HEATR5A: variants seen among roughly 807,000 people sequenced by gnomAD.
HEATR5A encodes the protein HEAT repeat containing 5A, also known as HEAT repeat-containing protein 5A.
HEATR5A carries 178 observed loss-of-function variants against 218.8 expected under a neutral mutation model. The observed-to-expected ratio is 0.81, with a 90% confidence interval of 0.72 to 0.92. The LOEUF is 0.92. HEATR5A is among the 40% of genes least tolerant of loss of function. The probability of loss-of-function intolerance (pLI) is 0.00; values close to 1 mark genes in which losing one functional copy is unlikely to be tolerated. For synonymous variants in HEATR5A, 864 were observed against 871.6 expected, an observed-to-expected ratio of 0.99 and a Z score of 0.15; for missense variants, 2,420 against 2,418.9, an observed-to-expected ratio of 1.00 and a Z score of -0.01.
chr14:31,394,328 A>G, intron 5 of HEATR5A, 102 bp from the exon 6 acceptor site: 1 of 578,546 alleles, frequency 1.7e-6, no homozygotes. Flanking sequence ...CAAATAATAT[A>G]CAAATTCAAA....
At position 31,392,398 on chromosome 14, in the gene HEATR5A, T is replaced by C. The variant is rs115970017; in HGVS notation, c.772+1654A>G. Among the ~76,000 whole-genome samples, 698 of 152,270 alleles carry C rather than the reference T, an allele frequency of 4.6e-3. 2 individuals are homozygous for C. The highest frequency in any genetic ancestry group is 0.016 in the African/African-American group (661 of 41,560). On this transcript the variant is annotated intron_variant, in intron 6 of 35. Coordinates refer to ENST00000543095, the MANE Select transcript of HEATR5A (RefSeq NM_015473.4). ...TGCCTTCTCACTGGAAATTTCTGTT[T>C]TGTCTTCTTCAATGGTTTCTTGTGT...
chr14:31,324,220 C>A lies in HEATR5A; in HGVS notation c.3548-416G>T, dbSNP rs187403869. 2.0e-3 allele frequency among the ~76,000 whole-genome samples: 296 copies of A among 151,168 alleles called. 2 individuals are homozygous for A. Among genetic ancestry groups the A allele is most frequent in the African/African-American group, 6.7e-3 (272 of 40,786 alleles). On this transcript the variant is annotated intron_variant, in intron 23 of 35. Coordinates refer to ENST00000543095, the MANE Select transcript of HEATR5A (RefSeq NM_015473.4). ...TGGGAAGGCTGTTTTAACACTGGAGCCTTGCATGGATTTCAGGAGGTTCCT... is the reference window on the plus strand; with the variant it reads ...TGGGAAGGCTGTTTTAACACTGGAGACTTGCATGGATTTCAGGAGGTTCCT...
chr14:31,336,209 CATACATACATATATATATAT>C (rs1471230384), intron 22 of HEATR5A, among the ~76,000 whole-genome samples: 1,608 of 57,516 alleles, frequency 0.028, 49 homozygotes, highest in African/African-American at 0.08. Flanking sequence ...TTTATATATA[CATACATACATATATATATAT>C]ATATATATAT....
At chr14:31,355,217 C>A (rs1007918586) in intron 16 of HEATR5A, among the ~76,000 whole-genome samples, 80 of 152,154 alleles carry the variant, frequency 5.3e-4, no homozygotes, top group Non-Finnish European at 1.9e-4. Flanking sequence ...AGTTCAAGAA[C>A]AGCCTGGCCA....
intron 11 of HEATR5A, among the ~76,000 whole-genome samples, chr14:31,377,362 C>T (rs1902266774): frequency 6.6e-6 from 1 of 152,012 alleles, no homozygotes; most frequent in African/African-American, 2.4e-5. Flanking sequence ...GAATAATGAT[C>T]GCAAGTGATT....
chr14:31,344,268 CTTTTTTTTTTTTT>C (rs577497140), intron 20 of HEATR5A, among the ~76,000 whole-genome samples: 3 of 50,812 alleles, frequency 5.9e-5, no homozygotes, highest in South Asian at 1.1e-3. Context: ...ATTAGTTATT[CTTTTTTTTTTTTT>C]TTTTTTTTTT....
chr14:31,385,046 T>G (rs2030157910), intron 9 of HEATR5A, among the ~76,000 whole-genome samples: 2 of 152,162 alleles, frequency 1.3e-5, no homozygotes, highest in Admixed American at 6.5e-5. Flanking sequence ...TAAGTAAGTG[T>G]CCCAGATCTA....
intron 24 of HEATR5A, 126 bp downstream of exon 24, chr14:31,323,439 G>C: frequency 1.5e-6 from 1 of 661,330 alleles, no homozygotes; most frequent in Non-Finnish European, 2.3e-6. Flanking sequence ...TAGGATTACA[G>C]GTATGAGCCA....
Position 31,353,770 on chromosome 14 carries a change from T to G in HEATR5A, c.2412-3053A>C, listed in dbSNP as rs1371656783. Among the ~76,000 whole-genome samples the G allele has an allele frequency of 3.9e-5, 6 of 152,056 alleles. No individual in the cohort carries two copies. The East Asian group carries it at 1.2e-3, about 29-fold the overall frequency. On this transcript the variant is annotated intron_variant, in intron 16 of 35. Transcript: ENST00000543095. The stretch of plus-strand genomic sequence containing the variant: ...TCACAAAAACAAACAAGAAAAGTTT[T>G]CTGCCCATTGTTTAAGTCCATATTT...
intron 3 of HEATR5A, 178 bp downstream of exon 3, chr14:31,400,123 T>C (rs2030816776): frequency 4.2e-6 from 2 of 474,490 alleles, no homozygotes; most frequent in Non-Finnish European, 3.7e-6. Flanking sequence ...ATTTGTAGAA[T>C]TGTTTCTCAG....
intron 13 of HEATR5A, among the ~76,000 whole-genome samples, chr14:31,369,680 C>G (rs1417636289): frequency 1.4e-5 from 2 of 145,172 alleles, no homozygotes; most frequent in Non-Finnish European, 3.0e-5. Context: ...GTAATCCCAG[C>G]AATTTGGGAG....
chr14:31,409,516 A>G (rs539953692), intron 1 of HEATR5A, among the ~76,000 whole-genome samples: 1 of 152,198 alleles, frequency 6.6e-6, no homozygotes, highest in South Asian at 2.1e-4. Context: ...CCTGGGCAAC[A>G]TGGCAAAACC....
intron 10 of HEATR5A, among the ~76,000 whole-genome samples, chr14:31,381,711 T>G (rs2029993335): frequency 6.6e-6 from 1 of 152,156 alleles, no homozygotes; most frequent in African/African-American, 2.4e-5. Flanking sequence ...GCTTGAGCCC[T>G]GGCATTTGAG....
chr14:31,313,030 G>A lies in HEATR5A; in HGVS notation c.4379C>T (p.Ala1460Val). 1 of 1,614,024 alleles carries A rather than the reference G, an allele frequency of 6.2e-7. No homozygotes were observed. Residue 1460 changes from alanine to valine, a missense_variant, in exon 28 of 36, where the codon GCA becomes GTA. Physicochemically the swap from Ala to Val is moderately conservative, Grantham distance 64. Transcript: ENST00000543095. ...AGTTAAAAGAGCAAAATCCTGAAGTGCAGCAAGCCAGAGTCTGCTTAGTGT... is the reference window on the plus strand; with the variant it reads ...AGTTAAAAGAGCAAAATCCTGAAGTACAGCAAGCCAGAGTCTGCTTAGTGT... ...LGTLSRLWLAALQDFALLTLP... is the reference protein window; with the variant it reads ...LGTLSRLWLAVLQDFALLTLP...
At chr14:31,323,424 A>G in intron 24 of HEATR5A, 141 bp downstream of exon 24, 1 of 512,044 alleles carries the variant, frequency 2.0e-6, no homozygotes, top group Non-Finnish European at 3.1e-6. Flanking sequence ...AGCCTCCCAA[A>G]GTGTTAGGAT....
At chr14:31,372,856 C>G (rs1355806630) in intron 12 of HEATR5A, among the ~76,000 whole-genome samples, 1 of 151,854 alleles carries the variant, frequency 6.6e-6, no homozygotes, top group African/African-American at 2.4e-5. Context: ...TCAGACTGAT[C>G]AATTCTTTTC....
In HEATR5A at chr14:31,358,877, G is replaced by T; in HGVS notation, c.2235+17C>A. ...GATCACAGATTGAATCTAATCAAGA[G>T]TAAAAAATGGCCATACCTGTTCTTC... On this transcript the variant is annotated intron_variant, in intron 15 of 35. Transcript: ENST00000543095. The T allele has an allele frequency of 6.3e-7, 1 of 1,599,482 alleles. No individual in the cohort carries two copies. Among genetic ancestry groups the T allele is most frequent in the Non-Finnish European group, 8.5e-7 (1 of 1,174,012 alleles).
Position 31,318,347 on chromosome 14 carries a change from C to T in HEATR5A, c.3970-55G>A. On this transcript the variant is annotated intron_variant, in intron 25 of 35. Coordinates refer to ENST00000543095, the MANE Select transcript of HEATR5A (RefSeq NM_015473.4). ...ATCAAGAAGTAAGACAGCACAAGTTCTCCCTCTTTTTAATGTTATTTTAAA... is the reference window on the plus strand; with the variant it reads ...ATCAAGAAGTAAGACAGCACAAGTTTTCCCTCTTTTTAATGTTATTTTAAA... 5 of 1,326,238 alleles carry T rather than the reference C, an allele frequency of 3.8e-6. No homozygotes were observed. In the South Asian group the frequency reaches 5.9e-5, roughly 16 times the overall value. 82.2% of individuals were successfully genotyped at this position (1,326,238 alleles called of 1,614,324 possible). A position where few individuals can be genotyped will look rare whatever the true frequency, so the allele number is the denominator to read the frequency against.
At chr14:31,294,827 A>G (rs1232084363) in intron 34 of HEATR5A, among the ~76,000 whole-genome samples, 1 of 152,162 alleles carries the variant, frequency 6.6e-6, no homozygotes, top group Non-Finnish European at 1.5e-5. Flanking sequence ...TTAGACAAAA[A>G]TGATGTATTT....
Sources: allele counts gnomAD v4.1 joint callset (sites outside exome capture counted in the v4.1 genomes callset), GRCh38; gene constraint gnomAD v4.1.1; transcripts MANE v1.5; gene names NCBI Gene and HGNC (gene_info 2026-07-23, HGNC 2026-07-21).